Variants in SAFB observed in about 807,000 individuals in gnomAD.
The protein encoded by SAFB is scaffold attachment factor B.
Under a neutral mutation model 101.6 loss-of-function variants are expected in SAFB, and 15 were observed. That is an observed-to-expected ratio of 0.15 (90% CI 0.10 to 0.23). The LOEUF is 0.23. SAFB is among the 10% of genes least tolerant of loss of function. The pLI is 1.00. For missense variants in SAFB, 930 were observed against 1,104.1 expected (o/e 0.84, Z 2.23); for synonymous variants, 449 against 407.5 (o/e 1.10, Z -1.23).
chr19:5,654,955 A>G (rs1329341414), intron 13 of SAFB, among the ~76,000 whole-genome samples: 2 of 152,240 alleles, frequency 1.3e-5, no homozygotes. Context: ...AGCTAACTTT[A>G]AAATTTACAT....
chr19:5,656,888 A>G (rs2054075297), intron 13 of SAFB, among the ~76,000 whole-genome samples: 1 of 151,740 alleles, frequency 6.6e-6, no homozygotes. Flanking sequence ...CTCCTGCTTC[A>G]GCCTCCCAAG....
In SAFB at chr19:5,623,131, G is replaced by C. The variant is rs2053221379; in HGVS notation, c.-75G>C. ...CTGGAGCGGTTCCCTCGCAGGCGGCGCCATTTTGTGCTAGGAGCCTGATAA... is the reference window on the plus strand; with the variant it reads ...CTGGAGCGGTTCCCTCGCAGGCGGCCCCATTTTGTGCTAGGAGCCTGATAA... On this transcript the variant is annotated 5_prime_UTR_variant, in exon 1 of 21. Transcript: ENST00000588852. 1.4e-6 allele frequency: 2 copies of C among 1,431,186 alleles called. No individual in the cohort carries two copies. Among genetic ancestry groups the C allele is most frequent in the Admixed American group, 2.3e-5 (1 of 43,342 alleles). The allele number at this position is 1,431,186 out of a possible 1,614,324, so 88.7% of individuals were successfully genotyped here. A position where few individuals can be genotyped will look rare whatever the true frequency, so the allele number is the denominator to read the frequency against.
intron 2 of SAFB, among the ~76,000 whole-genome samples, chr19:5,637,394 C>T: frequency 6.6e-6 from 1 of 151,354 alleles, no homozygotes; most frequent in East Asian, 2.0e-4. Context: ...TGACTCGTGC[C>T]TGTAATCCCA....
At chr19:5,653,964 C>A in intron 11 of SAFB, 97 bp from the exon 12 acceptor site, 3 of 1,141,240 alleles carry the variant, frequency 2.6e-6, no homozygotes, top group Admixed American at 2.0e-5. Flanking sequence ...TGGTCTCGAA[C>A]TCCCGGTCTC....
At position 5,652,978 on chromosome 19, in the gene SAFB, G is replaced by A. The variant is rs1000387772; in HGVS notation, c.1294-137G>A. ...TTGGAGGAACAACAGCGAAACAGAA[G>A]CATTAGTAGCATTGTCCTCCCCAGT... On this transcript the variant is annotated intron_variant, in intron 9 of 20. Coordinates refer to ENST00000588852, the MANE Select transcript of SAFB (RefSeq NM_001201338.2). The A allele has an allele frequency of 3.2e-5, 26 of 802,272 alleles. No individual in the cohort carries two copies. In the African/African-American group the frequency reaches 4.1e-4, roughly 13 times the overall value. The allele number at this position is 802,272 out of a possible 1,614,324, so 49.7% of individuals were successfully genotyped here. A position where few individuals can be genotyped will look rare whatever the true frequency, so the allele number is the denominator to read the frequency against.
chr19:5,635,832 A>G lies in SAFB; in HGVS notation c.275-5762A>G, dbSNP rs189629451. ...ACAAACTAGGGTGAAGAGCTGAGGT[A>G]GAAGGATTCAAGGGGCACATTGGCC... On this transcript the variant is annotated intron_variant, in intron 2 of 20. Transcript: ENST00000588852. Among the ~76,000 whole-genome samples the G allele has an allele frequency of 2.6e-4, 39 of 152,222 alleles. 1 individual carries two copies. Among genetic ancestry groups the G allele is most frequent in the Non-Finnish European group, 5.3e-4 (36 of 67,968 alleles).
At chr19:5,645,148 G>A (rs1490513904) in intron 4 of SAFB, among the ~76,000 whole-genome samples, 189 bp from the exon 5 acceptor site, 2 of 152,204 alleles carry the variant, frequency 1.3e-5, no homozygotes, top group Non-Finnish European at 2.9e-5. Context: ...TGTGCAGGTG[G>A]ACATTTACAT....
intron 13 of SAFB, 35 bp downstream of exon 13, chr19:5,654,491 C>T (rs1333995727): frequency 8.0e-7 from 1 of 1,249,580 alleles, no homozygotes; most frequent in Non-Finnish European, 1.2e-6. Context: ...GTATTTTGCT[C>T]TTCTTTTCAG....
chr19:5,625,291 TCTC>T (rs2053333816), intron 1 of SAFB, among the ~76,000 whole-genome samples: 3 of 152,302 alleles, frequency 2.0e-5, no homozygotes, highest in South Asian at 4.1e-4. Flanking sequence ...TTGCTTCTCT[TCTC>T]CTGGTGGTGT....
At position 5,664,072 on chromosome 19, in the gene SAFB, G is replaced by A. The variant is rs201251712; in HGVS notation, c.2204G>A (p.Arg735His). ...PEAKRAALDE[R>H]YHSDFNRQDR... is the part of the protein sequence containing the mutation. ...GCCAAGCGGGCCGCCCTGGATGAGC[G>A]CTACCATTCTGACTTTAACCGCCAG... Residue 735 changes from arginine to histidine, a missense_variant, in exon 16 of 21, where the codon CGC becomes CAC. Around this residue, in one of 7 missense-constraint regions of SAFB, gnomAD observed 318 missense variants for 342.6 expected, o/e 0.93. Transcript: ENST00000588852. The A allele has an allele frequency of 1.5e-5, 25 of 1,613,856 alleles. No individual in the cohort carries two copies. Among genetic ancestry groups the A allele is most frequent in the Admixed American group, 5.0e-5 (3 of 60,000 alleles).
intron 4 of SAFB, among the ~76,000 whole-genome samples, chr19:5,642,661 T>C (rs1311383913): frequency 1.5e-5 from 2 of 134,988 alleles, no homozygotes; most frequent in Non-Finnish European, 3.2e-5. Context: ...CTTTTTTTTT[T>C]TTTTTTTTTT....
chr19:5,654,115 G>A lies in SAFB; in HGVS notation c.1581G>A (p.Lys527=), dbSNP rs1366939263. The A allele has an allele frequency of 6.2e-7, 1 of 1,614,092 alleles. No individual in the cohort carries two copies. Among genetic ancestry groups the A allele is most frequent in the African/African-American group, 1.3e-5 (1 of 75,054 alleles). ...DKCDRKDDAK[K]GDDGSGEKSK... ...GTGACAGAAAAGATGATGCTAAGAA[G>A]GGTGACGACGGAAGTGGAGAAAAGA... Residue 527 remains lysine, a synonymous_variant, in exon 12 of 21, where the codon AAG becomes AAA. Coordinates refer to ENST00000588852, the MANE Select transcript of SAFB (RefSeq NM_001201338.2).
At chr19:5,632,588 A>T (rs1365983786) in intron 2 of SAFB, among the ~76,000 whole-genome samples, 2 of 152,128 alleles carry the variant, frequency 1.3e-5, no homozygotes, top group Non-Finnish European at 2.9e-5. Context: ...TCAGGTTGTC[A>T]TGTTTCCTTA....
intron 17 of SAFB, chr19:5,665,281 T>C (rs1188335534): frequency 6.6e-6 from 1 of 152,134 alleles, no homozygotes; most frequent in Non-Finnish European, 1.5e-5. Flanking sequence ...AACGTAGAAC[T>C]AGTCTTGTGG....
chr19:5,647,616 C>T (rs377411994), intron 5 of SAFB, among the ~76,000 whole-genome samples: 2 of 152,142 alleles, frequency 1.3e-5, no homozygotes, highest in Non-Finnish European at 2.9e-5. Context: ...CTCAGTCTTT[C>T]GAATATCAGA....
intron 14 of SAFB, among the ~76,000 whole-genome samples, chr19:5,658,999 G>A (rs1345998084): frequency 6.6e-6 from 1 of 152,112 alleles, no homozygotes; most frequent in African/African-American, 2.4e-5. Context: ...ACAAAAATTA[G>A]CCAGGTATGG....
At position 5,667,095 on chromosome 19, in the gene SAFB, G is replaced by A. The variant is rs377176619; in HGVS notation, c.2384G>A (p.Arg795His). The change falls in exon 18 of 21, where the codon CGC becomes CAC. Residue 795 changes from arginine to histidine, a missense_variant. Transcript: ENST00000588852. This position sits in a 1 kb window ranked among gnomAD's most constrained non-coding sequence, Gnocchi z 4.0. ...CCAGAGCGCCACGGCCGGGACTCCC[G>A]CGATGGCTGGGGGGGCTATGGCTCT... ...GGPERHGRDSRDGWGGYGSDK... is the reference protein window; with the variant it reads ...GGPERHGRDSHDGWGGYGSDK... 2.2e-5 allele frequency: 36 copies of A among 1,612,776 alleles called. No individual in the cohort carries two copies. The highest frequency in any genetic ancestry group is 1.7e-4 in the Middle Eastern group (1 of 6,058).
chr19:5,660,509 A>AT (rs1292942522), intron 14 of SAFB, among the ~76,000 whole-genome samples: 2 of 150,426 alleles, frequency 1.3e-5, no homozygotes, highest in East Asian at 1.9e-4. Flanking sequence ...GGCTAATATT[A>AT]TTTTTTCTGG....
At chr19:5,631,176 C>T (rs1402788243) in intron 2 of SAFB, among the ~76,000 whole-genome samples, 1 of 152,122 alleles carries the variant, frequency 6.6e-6, no homozygotes, top group Non-Finnish European at 1.5e-5. Flanking sequence ...GGCAACAGTG[C>T]AAGACTGTGT....
Sources: allele counts gnomAD v4.1 joint callset (sites outside exome capture counted in the v4.1 genomes callset), GRCh38; gene constraint gnomAD v4.1.1; regional missense constraint gnomAD v4.1.1; non-coding constraint Gnocchi (gnomAD v3.1); transcripts MANE v1.5; gene names NCBI Gene and HGNC (gene_info 2026-07-23, HGNC 2026-07-21).